LIMD1: variants seen among roughly 807,000 people sequenced by gnomAD.
LIMD1 encodes the protein LIM domain-containing protein 1.
Under a neutral mutation model 58.4 loss-of-function variants are expected in LIMD1, and 23 were observed. That is an observed-to-expected ratio of 0.39 (90% CI 0.28 to 0.56). The LOEUF (loss-of-function observed/expected upper bound fraction) is 0.56, where lower values mean the gene tolerates loss of function less well. Among genes scored for constraint, LIMD1 ranks in the 20% least tolerant of loss-of-function variants. The pLI, the probability that LIMD1 is intolerant of heterozygous loss-of-function variation, is 0.57. For missense variants in LIMD1, 838 were observed against 855.5 expected, an observed-to-expected ratio of 0.98 and a Z score of 0.25; for synonymous variants, 334 against 345.5, an observed-to-expected ratio of 0.97 and a Z score of 0.37.
intron 1 of LIMD1, among the ~76,000 whole-genome samples, chr3:45,621,883 T>C (rs1701631332): frequency 6.6e-6 from 1 of 151,994 alleles, no homozygotes; most frequent in Non-Finnish European, 1.5e-5. Context: ...GCCAAAATGC[T>C]GAAACCCCGT....
chr3:45,635,935 G>A (rs577335339), intron 1 of LIMD1: 2 of 985,314 alleles, frequency 2.0e-6, no homozygotes, highest in Admixed American at 6.1e-5. Context: ...GGCAGGGAAA[G>A]TGGGACCTAA....
chr3:45,648,124 A>T (rs948302506), intron 2 of LIMD1, among the ~76,000 whole-genome samples: 6 of 152,088 alleles, frequency 3.9e-5, no homozygotes, highest in Non-Finnish European at 8.8e-5. Context: ...ACAGGGTTTA[A>T]CTGATCATGA....
Position 45,595,714 on chromosome 3 carries a change from A to T in LIMD1, c.835A>T (p.Asn279Tyr). The part of the protein sequence containing the change: ...QRVSPGLPSP[N>Y]LENGAPAVGP... ...GGTGAGCCCTGGCCTGCCTTCCCCA[A>T]ACTTGGAGAACGGAGCACCAGCTGT... The change falls in exon 1 of 8, where the codon AAC (asparagine) becomes TAC (tyrosine). Residue 279 changes from asparagine to tyrosine, a missense_variant. By Grantham distance (143) the Asn-to-Tyr change is moderately radical. Transcript: ENST00000273317. The T allele has an allele frequency of 6.2e-7, 1 of 1,614,044 alleles. No homozygotes were observed. The highest frequency in any genetic ancestry group is 8.5e-7 in the Non-Finnish European group (1 of 1,180,006).
At chr3:45,630,675 ATATGT>A (rs1006994310) in intron 1 of LIMD1, among the ~76,000 whole-genome samples, 2 of 150,778 alleles carry the variant, frequency 1.3e-5, no homozygotes, top group African/African-American at 4.9e-5. Flanking sequence ...TGATGAGGTG[ATATGT>A]TATGGGGTGA....
intron 1 of LIMD1, among the ~76,000 whole-genome samples, chr3:45,627,904 A>T (rs1395716960): frequency 2.6e-5 from 4 of 150,982 alleles, no homozygotes; most frequent in African/African-American, 9.8e-5. Context: ...GCTACTCAGG[A>T]GGCTGAGGCA....
At chr3:45,658,574 G>C (rs1253099577) in intron 2 of LIMD1, among the ~76,000 whole-genome samples, 1 of 67,110 alleles carries the variant, frequency 1.5e-5, no homozygotes, top group African/African-American at 5.1e-5. Flanking sequence ...TTTTGAGACT[G>C]AGTTTTGCTC....
intron 5 of LIMD1, among the ~76,000 whole-genome samples, chr3:45,673,214 C>T (rs1176945909): frequency 1.3e-5 from 2 of 152,168 alleles, no homozygotes; most frequent in Non-Finnish European, 2.9e-5. Context: ...GAGGTGTAAA[C>T]AAATCAGTTA....
chr3:45,599,017 A>T (rs578126436), intron 1 of LIMD1, among the ~76,000 whole-genome samples: 40 of 152,300 alleles, frequency 2.6e-4, no homozygotes, highest in Non-Finnish European at 5.1e-4. Flanking sequence ...GTCACAGGTC[A>T]TATTGGGTAC....
chr3:45,650,114 C>T (rs1428958053), intron 2 of LIMD1, among the ~76,000 whole-genome samples: 1 of 151,918 alleles, frequency 6.6e-6, no homozygotes, highest in East Asian at 1.9e-4. Context: ...CTAGGGACTC[C>T]AATTACTCCA....
Position 45,607,608 on chromosome 3 carries a change from G to C in LIMD1, c.1408+11321G>C, listed in dbSNP as rs148727976. Among the ~76,000 whole-genome samples the C allele has an allele frequency of 5.1e-4, 78 of 152,220 alleles. No homozygotes were observed. The East Asian group carries it at 8.7e-3, about 17-fold the overall frequency. ...ATTCCAGGGAGGGAGTTTGCATTTA[G>C]CATGGGTCCTCCCTGCAGCTAGTTC... On this transcript the variant is annotated intron_variant, in intron 1 of 7. Transcript: ENST00000273317.
chr3:45,602,656 T>C (rs1349521022), intron 1 of LIMD1, among the ~76,000 whole-genome samples: 1 of 152,094 alleles, frequency 6.6e-6, no homozygotes, highest in African/African-American at 2.4e-5. Flanking sequence ...GATTTTACTT[T>C]CCTGGCAATG....
In LIMD1 at chr3:45,594,797, A is replaced by ACACACACACACACACAC. The variant is rs1701316272; in HGVS notation, c.-82_-66dup. 3.9e-4 allele frequency: 50 copies of ACACACACACACACACAC among 129,648 alleles called. No individual in the cohort carries two copies. In the East Asian group the frequency reaches 8.6e-3, roughly 22 times the overall value. The allele number at this position is 129,648 out of a possible 1,614,324, so 8.0% of individuals were successfully genotyped here. ...GCCCTCAACACACACACACACACAC[A>ACACACACACACACACAC]CACACACACACACACACACACACAC... On this transcript the variant is annotated 5_prime_UTR_variant, in exon 1 of 8. Coordinates refer to ENST00000273317, the MANE Select transcript of LIMD1 (RefSeq NM_014240.3).
At chr3:45,640,661 C>T (rs958642061) in intron 2 of LIMD1, among the ~76,000 whole-genome samples, 3 of 152,188 alleles carry the variant, frequency 2.0e-5, no homozygotes, top group Admixed American at 1.3e-4. Flanking sequence ...AACTCCTGAC[C>T]TCAGGTGATC....
intron 1 of LIMD1, among the ~76,000 whole-genome samples, chr3:45,633,898 C>A (rs74672668): frequency 6.6e-6 from 1 of 152,094 alleles, no homozygotes; most frequent in African/African-American, 2.4e-5. Context: ...GGCTTTCTAC[C>A]CTGTGGGCAG....
intron 2 of LIMD1, among the ~76,000 whole-genome samples, chr3:45,645,563 G>A (rs1356852309): frequency 6.6e-6 from 1 of 152,158 alleles, no homozygotes; most frequent in Non-Finnish European, 1.5e-5. Flanking sequence ...TTCTCAAGTG[G>A]AAGAGGAGAA....
chr3:45,664,512 C>A (rs1697486183), intron 2 of LIMD1, among the ~76,000 whole-genome samples: 1 of 152,162 alleles, frequency 6.6e-6, no homozygotes, highest in African/African-American at 2.4e-5. Context: ...TACAGGAGGG[C>A]TGGGGGAAAC....
At chr3:45,624,602 A>G (rs1303207097) in intron 1 of LIMD1, among the ~76,000 whole-genome samples, 1 of 152,218 alleles carries the variant, frequency 6.6e-6, no homozygotes, top group Non-Finnish European at 1.5e-5. Context: ...GGGCGCCTGT[A>G]GTCCCAGCTA....
rs950650302 is a variant in LIMD1, at chr3:45,679,379, C to T, written c.*2320C>T. On this transcript the variant is annotated 3_prime_UTR_variant, in exon 8 of 8. Transcript: ENST00000273317. ...ATCTCCAATCAGTTGTTTTTCTCTT[C>T]GCTTCAGGCCCTTACACAAAAGCCA... 5 of 152,172 alleles carry T rather than the reference C, an allele frequency of 3.3e-5. No homozygotes were observed. Among genetic ancestry groups the T allele is most frequent in the South Asian group, 4.1e-4 (2 of 4,834 alleles). The allele number at this position is 152,172 out of a possible 1,614,324, so 9.4% of individuals were successfully genotyped here.
rs780517846 is a variant in LIMD1 at position 45,677,011 on chromosome 3, G to A, written c.1983G>A (p.Arg661=). The A allele has an allele frequency of 1.2e-6, 2 of 1,614,118 alleles. No individual in the cohort carries two copies. The highest frequency in any genetic ancestry group is 1.7e-6 in the Non-Finnish European group (2 of 1,180,024). Residue 661 remains arginine, a synonymous_variant, in exon 8 of 8, where the codon AGG becomes AGA. Coordinates refer to ENST00000273317, the MANE Select transcript of LIMD1 (RefSeq NM_014240.3). ...HLFCHSCHVK[R]LEKRPSSTAL... ...TCTGTCACTCCTGCCACGTGAAGAG[G>A]CTGGAGAAGAGACCCTCATCTACAG...
Sources: allele counts gnomAD v4.1 joint callset (sites outside exome capture counted in the v4.1 genomes callset), GRCh38; gene constraint gnomAD v4.1.1; transcripts MANE v1.5; gene names NCBI Gene and HGNC (gene_info 2026-07-23, HGNC 2026-07-21).